Variants in SIPA1L3 observed in about 807,000 individuals in gnomAD.
SIPA1L3 encodes the protein signal-induced proliferation-associated 1-like protein 3.
Under a neutral mutation model 150.1 loss-of-function variants are expected in SIPA1L3, and 59 were observed. The ratio of observed to expected loss-of-function variants is 0.39; its 90% CI spans 0.32 to 0.49. SIPA1L3 has a LOEUF of 0.49. Ranked by LOEUF, SIPA1L3 falls within the 20% of genes least tolerant of loss-of-function variation. The pLI is 0.86. For missense variants in SIPA1L3, 2,211 were observed against 2,489.5 expected, an observed-to-expected ratio of 0.89 and a Z score of 2.38; for synonymous variants, 1,070 against 1,077.6, an observed-to-expected ratio of 0.99 and a Z score of 0.14.
chr19:38,102,049 CTTTTT>C (rs552210592), intron 6 of SIPA1L3, among the ~76,000 whole-genome samples: 8 of 137,156 alleles, frequency 5.8e-5, no homozygotes, highest in Admixed American at 5.2e-4. Context: ...CTTTTCTTTT[CTTTTT>C]TTTTTTTTTT....
chr19:38,113,644 A>G (rs915680415), intron 8 of SIPA1L3, among the ~76,000 whole-genome samples: 2 of 152,000 alleles, frequency 1.3e-5, no homozygotes, highest in Non-Finnish European at 1.5e-5. Context: ...AACAGACATC[A>G]CGTGGCTGTT....
chr19:38,006,690 G>A (rs1302452289), intron 1 of SIPA1L3, among the ~76,000 whole-genome samples: 3 of 152,158 alleles, frequency 2.0e-5, no homozygotes, highest in Non-Finnish European at 4.4e-5. Flanking sequence ...AGGCTTCTCC[G>A]GAGCTAGTGG....
chr19:37,932,607 C>T (rs2046565552), intron 1 of SIPA1L3: 1 of 152,038 alleles, frequency 6.6e-6, no homozygotes, highest in Admixed American at 6.6e-5. Flanking sequence ...CCTGGGAGGA[C>T]CAGGGACAGG....
At chr19:38,121,467 G>A (rs1290928612) in intron 9 of SIPA1L3, among the ~76,000 whole-genome samples, 3 of 151,538 alleles carry the variant, frequency 2.0e-5, no homozygotes, top group Admixed American at 1.3e-4. Flanking sequence ...TAGGCCGGGC[G>A]TGGTGGCTCA....
At chr19:37,928,015 G>A (rs908578363) in intron 1 of SIPA1L3, among the ~76,000 whole-genome samples, 1 of 152,144 alleles carries the variant, frequency 6.6e-6, no homozygotes, top group African/African-American at 2.4e-5. Flanking sequence ...AGAGTGCTGC[G>A]ATGAACGTAG....
At chr19:38,025,081 C>T (rs529989963) in intron 1 of SIPA1L3, among the ~76,000 whole-genome samples, 39 of 152,306 alleles carry the variant, frequency 2.6e-4, no homozygotes, top group African/African-American at 8.7e-4. Context: ...AGCAGTCCCC[C>T]TGCCTTACCA....
At chr19:38,137,256 T>G (rs1341379141) in intron 10 of SIPA1L3, among the ~76,000 whole-genome samples, 1 of 152,022 alleles carries the variant, frequency 6.6e-6, no homozygotes, top group African/African-American at 2.4e-5. Flanking sequence ...TGGCATGATC[T>G]CAGCTCACTG....
intron 2 of SIPA1L3, among the ~76,000 whole-genome samples, chr19:38,055,939 C>T (rs921920344): frequency 1.3e-5 from 2 of 152,206 alleles, no homozygotes; most frequent in African/African-American, 4.8e-5. Flanking sequence ...TCAAGTGGAG[C>T]CCAGCCGAAC....
chr19:38,006,720 G>A (rs1043891117), intron 1 of SIPA1L3, among the ~76,000 whole-genome samples: 4 of 152,180 alleles, frequency 2.6e-5, no homozygotes, highest in African/African-American at 7.2e-5. Context: ...CAGAACTGTC[G>A]CTTTGGAGGG....
chr19:37,980,510 G>A (rs1163142794), intron 1 of SIPA1L3, among the ~76,000 whole-genome samples: 3 of 152,164 alleles, frequency 2.0e-5, no homozygotes, highest in Non-Finnish European at 4.4e-5. Flanking sequence ...GGAAGCATGA[G>A]GAAGAGCATT....
In SIPA1L3 at chr19:38,182,721, C is replaced by G. The variant is rs777399932; in HGVS notation, c.4411C>G (p.Pro1471Ala). ...RTEEPPPRPL[P>A]FSDPKKQVDT... ...GGAGGAGCCCCCACCACGGCCACTC[C>G]CCTTCAGTGACCCAAAGAAGTAAGT... Residue 1471 changes from proline (P) to alanine (A), a missense_variant, in exon 16 of 22, where the codon CCC (proline) becomes GCC (alanine). Pro to Ala is a conservative substitution (Grantham distance 27). Transcript: ENST00000222345. 1.2e-6 allele frequency: 2 copies of G among 1,612,950 alleles called. No homozygotes were observed. Among genetic ancestry groups the G allele is most frequent in the South Asian group, 2.2e-5 (2 of 90,902 alleles).
intron 15 of SIPA1L3, among the ~76,000 whole-genome samples, chr19:38,179,303 G>A (rs332842): frequency 0.37 from 56,935 of 152,074 alleles, 12,555 homozygotes; most frequent in Middle Eastern, 0.58. Context: ...TTAGCTGGGC[G>A]TGGTGGCATG....
At chr19:38,138,897 C>CAAAAAAAAAAAAAAAA (rs3045988) in intron 10 of SIPA1L3, among the ~76,000 whole-genome samples, 6 of 44,126 alleles carry the variant, frequency 1.4e-4, no homozygotes, top group East Asian at 8.6e-4. Context: ...GACTCTATCT[C>CAAAAAAAAAAAAAAAA]AAAAAAAAAA....
At chr19:38,075,004 T>A (rs1969808600) in intron 2 of SIPA1L3, among the ~76,000 whole-genome samples, 1 of 152,176 alleles carries the variant, frequency 6.6e-6, no homozygotes, top group Non-Finnish European at 1.5e-5. Flanking sequence ...AAAGTACGGG[T>A]ATTACAGGCA....
rs556195568 is a variant in SIPA1L3 at position 38,153,952 on chromosome 19, G to A, written c.3661+985G>A. ...CTGTCTCAGAAAAAAAAAGAAAAGA[G>A]CCTACATGATGAAGACACAGCCTGA... On this transcript the variant is annotated intron_variant, in intron 13 of 21. Coordinates refer to ENST00000222345, the MANE Select transcript of SIPA1L3 (RefSeq NM_015073.3). Among the ~76,000 whole-genome samples the A allele has an allele frequency of 2.8e-4, 43 of 152,004 alleles. 1 individual carries two copies. In the South Asian group the frequency reaches 6.7e-3, roughly 24 times the overall value.
Position 38,141,452 on chromosome 19 carries a change from G to A in SIPA1L3, c.3395+17G>A. The A allele has an allele frequency of 1.2e-6, 2 of 1,600,446 alleles. No homozygotes were observed. The highest frequency in any genetic ancestry group is 1.7e-6 in the Non-Finnish European group (2 of 1,178,046). On this transcript the variant is annotated intron_variant, in intron 11 of 21. Transcript: ENST00000222345. Reference sequence around the variant, plus strand: ...CAGCAAGAGGTAAGCACCTGCTGGGGGGACCAATACTTCCCAACCCCCACC... The same window carrying A: ...CAGCAAGAGGTAAGCACCTGCTGGGAGGACCAATACTTCCCAACCCCCACC...
At chr19:38,045,180 C>T (rs1969026071) in intron 2 of SIPA1L3, among the ~76,000 whole-genome samples, 1 of 152,036 alleles carries the variant, frequency 6.6e-6, no homozygotes, top group South Asian at 2.1e-4. Flanking sequence ...GAGTTCGAGA[C>T]CAGCCTGGCC....
At chr19:37,999,009 A>ACC (rs1967716287) in intron 1 of SIPA1L3, among the ~76,000 whole-genome samples, 1 of 138,808 alleles carries the variant, frequency 7.2e-6, no homozygotes, top group African/African-American at 2.8e-5. Flanking sequence ...ACACACACAC[A>ACC]CACCCACACA....
Position 38,142,692 on chromosome 19 carries a change from A to C in SIPA1L3, c.3515A>C (p.Tyr1172Ser). Residue 1172 changes from tyrosine to serine, a missense_variant, in exon 12 of 22, where the codon TAC becomes TCC. Physicochemically the swap from Tyr to Ser is moderately radical, Grantham distance 144. This residue lies in a region of SIPA1L3 where 806 missense variants were observed against 870.1 expected (regional missense o/e 0.93). Transcript: ENST00000222345. ...STPGSATYVR[Y>S]KPSPERYTAA... Reference sequence around the variant, plus strand: ...CCCGGTTCGGCCACCTACGTGAGATACAAGCCATCCCCAGAAAGGTCAGCC... The same window carrying C: ...CCCGGTTCGGCCACCTACGTGAGATCCAAGCCATCCCCAGAAAGGTCAGCC... 1 of 1,613,782 alleles carries C rather than the reference A, an allele frequency of 6.2e-7. No homozygotes were observed. The highest frequency in any genetic ancestry group is 8.5e-7 in the Non-Finnish European group (1 of 1,179,774).
Sources: gnomAD v4.1 joint callset for allele counts (sites outside exome capture counted in the v4.1 genomes callset) on GRCh38, gnomAD v4.1.1 for gene constraint, gnomAD v4.1.1 regional missense constraint, MANE v1.5 for transcripts, NCBI Gene and HGNC (gene_info 2026-07-23, HGNC 2026-07-21) for gene names.